Variants in MEIS1 observed in about 807,000 individuals in gnomAD.
MEIS1 encodes Meis homeobox 1, also known as homeobox protein Meis1.
MEIS1 carries 5 observed loss-of-function variants against 50.8 expected under a neutral mutation model. That is an observed-to-expected ratio of 0.10 (90% CI 0.05 to 0.21). The LOEUF is 0.21. Among genes scored for constraint, MEIS1 ranks in the 10% least tolerant of loss-of-function variants. The probability of loss-of-function intolerance (pLI) is 1.00; values close to 1 mark genes in which losing one functional copy is unlikely to be tolerated. For missense variants in MEIS1, 318 were observed against 517.3 expected, an observed-to-expected ratio of 0.61 and a Z score of 3.74; for synonymous variants, 176 against 179.3, an observed-to-expected ratio of 0.98 and a Z score of 0.15.
intron 2 of MEIS1, chr2:66,439,005 T>A (rs1671873845): frequency 6.6e-6 from 1 of 152,248 alleles, no homozygotes; most frequent in South Asian, 2.1e-4. Context: ...CCAGCTGAGC[T>A]GTGAGAGCTA....
intron 9 of MEIS1, chr2:66,562,070 T>TTTTTTTTTTATTTTTTTTTC (rs1675230305): frequency 7.9e-6 from 1 of 127,162 alleles, no homozygotes; most frequent in Non-Finnish European, 1.6e-5. Context: ...TTTTTTTTTT[T>TTTTTTTTTTATTTTTTTTTC]ACTTTTATCA....
intron 8 of MEIS1, among the ~76,000 whole-genome samples, chr2:66,523,630 A>G (rs1425935720): frequency 1.3e-5 from 2 of 152,234 alleles, no homozygotes; most frequent in African/African-American, 4.8e-5. Context: ...TGGAAACCAA[A>G]TTAAATTTAA....
At chr2:66,551,811 A>G (rs1048708111) in intron 9 of MEIS1, among the ~76,000 whole-genome samples, 9 of 152,084 alleles carry the variant, frequency 5.9e-5, no homozygotes, top group African/African-American at 2.2e-4. Flanking sequence ...CTTGCTCCCA[A>G]TTATAATTTT....
rs532832470 is a variant in MEIS1, at chr2:66,565,084, T to C, written c.966-2369T>C. On this transcript the variant is annotated intron_variant, in intron 9 of 12. Coordinates refer to ENST00000272369, the MANE Select transcript of MEIS1 (RefSeq NM_002398.3). Reference sequence around the variant, plus strand: ...GGGGGACAGATATCATATAGGGGATTCATGTCAGTGACCAAACGAAGTGAC... The same window carrying C: ...GGGGGACAGATATCATATAGGGGATCCATGTCAGTGACCAAACGAAGTGAC... Among the ~76,000 whole-genome samples, 4 of 152,248 alleles carry C rather than the reference T, an allele frequency of 2.6e-5. No individual in the cohort carries two copies. In the South Asian group the frequency reaches 8.3e-4, roughly 32 times the overall value.
At chr2:66,439,449 A>ACTCTC in intron 2 of MEIS1, 1 of 1,363,618 alleles carries the variant, frequency 7.3e-7, no homozygotes, top group Non-Finnish European at 9.4e-7. Flanking sequence ...GCCCTCCCCA[A>ACTCTC]CTCTCCGCCC....
chr2:66,466,864 T>C (rs775981974), intron 7 of MEIS1, among the ~76,000 whole-genome samples: 5 of 152,036 alleles, frequency 3.3e-5, no homozygotes, highest in Non-Finnish European at 7.4e-5. Context: ...AAACTTTCTC[T>C]GACATATTAT....
intron 8 of MEIS1, among the ~76,000 whole-genome samples, chr2:66,517,130 A>C (rs1304841732): frequency 1.3e-5 from 2 of 152,296 alleles, no homozygotes; most frequent in Admixed American, 6.5e-5. Flanking sequence ...ACCAGCCAGC[A>C]TCCTTCAACA....
chr2:66,571,526 G>T lies in MEIS1; in HGVS notation c.*318G>T, dbSNP rs955353826. 1.5e-5 allele frequency: 23 copies of T among 1,562,156 alleles called. No individual in the cohort carries two copies. The highest frequency in any genetic ancestry group is 1.9e-5 in the Non-Finnish European group (22 of 1,154,036). The stretch of plus-strand genomic sequence containing the variant: ...GACAAGTCATGGACATTCATGCTCA[G>T]TAGCTTAAGGGAATATGCATTGTCT... On this transcript the variant is annotated 3_prime_UTR_variant, in exon 13 of 13. Transcript: ENST00000272369.
intron 6 of MEIS1, among the ~76,000 whole-genome samples, chr2:66,462,724 G>A (rs1169946408): frequency 1.3e-5 from 2 of 152,178 alleles, no homozygotes; most frequent in African/African-American, 4.8e-5. Flanking sequence ...TGTGCAAAAA[G>A]CACTTCTTTC....
chr2:66,480,089 A>C (rs1672982330), intron 7 of MEIS1, among the ~76,000 whole-genome samples: 1 of 152,256 alleles, frequency 6.6e-6, no homozygotes, highest in Admixed American at 6.5e-5. Flanking sequence ...GCAAATGATT[A>C]GATATGCATG....
intron 7 of MEIS1, among the ~76,000 whole-genome samples, chr2:66,509,332 C>A (rs558710743): frequency 7.2e-5 from 11 of 152,192 alleles, no homozygotes; most frequent in Non-Finnish European, 1.5e-4. Flanking sequence ...TTGTTTTAGG[C>A]TTTTCTGAAC....
intron 7 of MEIS1, among the ~76,000 whole-genome samples, chr2:66,495,709 C>T (rs912750079): frequency 2.6e-5 from 4 of 152,160 alleles, no homozygotes; most frequent in Non-Finnish European, 5.9e-5. Flanking sequence ...GCTAGAACCT[C>T]AGCAACACAG....
intron 7 of MEIS1, among the ~76,000 whole-genome samples, chr2:66,469,966 T>C (rs1672729362): frequency 6.6e-6 from 1 of 152,218 alleles, no homozygotes; most frequent in Non-Finnish European, 1.5e-5. Context: ...TAACATATTT[T>C]ACAAACGAAA....
chr2:66,497,556 A>G (rs930866436), intron 7 of MEIS1, among the ~76,000 whole-genome samples: 15 of 152,208 alleles, frequency 9.9e-5, no homozygotes, highest in African/African-American at 3.4e-4. Context: ...CTTAAATGAT[A>G]TAACTTTTTT....
At chr2:66,492,744 T>C (rs1371923256) in intron 7 of MEIS1, among the ~76,000 whole-genome samples, 4 of 152,106 alleles carry the variant, frequency 2.6e-5, no homozygotes, top group South Asian at 4.2e-4. Flanking sequence ...TCCACATGGG[T>C]GCTAGGAAAA....
chr2:66,487,248 G>C (rs1302849664), intron 7 of MEIS1, among the ~76,000 whole-genome samples: 1 of 152,080 alleles, frequency 6.6e-6, no homozygotes, highest in Non-Finnish European at 1.5e-5. Flanking sequence ...TTTTTATTAT[G>C]AATGTTTTCA....
chr2:66,470,851 A>G (rs952305579), intron 7 of MEIS1, among the ~76,000 whole-genome samples: 1 of 152,220 alleles, frequency 6.6e-6, no homozygotes, highest in African/African-American at 2.4e-5. Flanking sequence ...TTACTGTAAT[A>G]TGGTAATAAA....
intron 6 of MEIS1, among the ~76,000 whole-genome samples, chr2:66,445,788 T>C (rs1041886022): frequency 6.6e-6 from 1 of 152,220 alleles, no homozygotes; most frequent in African/African-American, 2.4e-5. Flanking sequence ...CTTGACCTTG[T>C]AGCGTTAGTC....
At chr2:66,516,182 A>G (rs1184564385) in intron 8 of MEIS1, among the ~76,000 whole-genome samples, 1 of 152,202 alleles carries the variant, frequency 6.6e-6, no homozygotes, top group Non-Finnish European at 1.5e-5. Context: ...TATAATCTAA[A>G]TAGAAAAGCG....
Sources: gnomAD v4.1 joint callset for allele counts (sites outside exome capture counted in the v4.1 genomes callset) on GRCh38, gnomAD v4.1.1 for gene constraint, MANE v1.5 for transcripts, NCBI Gene and HGNC (gene_info 2026-07-23, HGNC 2026-07-21) for gene names.